SBNO2: variants seen among roughly 807,000 people sequenced by gnomAD.
The protein encoded by SBNO2 is strawberry notch homolog 2.
In SBNO2, 89 loss-of-function variants were observed where a neutral mutation model predicts 146.3. The observed-to-expected ratio is 0.61, with a 90% CI of 0.51 to 0.73. SBNO2 has a LOEUF of 0.73. SBNO2 is among the 30% of genes least tolerant of loss of function. The pLI is 0.00. For missense variants in SBNO2, 2,092 were observed against 2,003.7 expected, an observed-to-expected ratio of 1.04 and a Z score of -0.84; for synonymous variants, 1,147 against 892.6, an observed-to-expected ratio of 1.29 and a Z score of -5.08.
intron 1 of SBNO2, among the ~76,000 whole-genome samples, chr19:1,164,272 C>G (rs937093971): frequency 6.6e-6 from 1 of 152,204 alleles, no homozygotes; most frequent in African/African-American, 2.4e-5. Context: ...GGTGGCCGAA[C>G]TGACAGCTTC....
intron 4 of SBNO2, among the ~76,000 whole-genome samples, chr19:1,142,595 G>A (rs984797007): frequency 1.3e-5 from 2 of 152,176 alleles, no homozygotes; most frequent in South Asian, 4.1e-4. Flanking sequence ...CAGAAGAATG[G>A]CTCACACTTG....
At chr19:1,166,128 GACTTCA>G (rs1485203986) in intron 1 of SBNO2, among the ~76,000 whole-genome samples, 2 of 77,576 alleles carry the variant, frequency 2.6e-5, no homozygotes, top group African/African-American at 1.0e-4. Flanking sequence ...CCAGATCCCA[GACTTCA>G]GATCCCCAGA....
rs1477817423 is a variant in SBNO2 at position 1,144,346 on chromosome 19, G to C, written c.279+2963C>G. ...TTCTGCTGCTTTAACAGGGAGATTT[G>C]GGTCCAAGCTGCCCCACATACGGAC... On this transcript the variant is annotated intron_variant, in intron 4 of 31. Coordinates refer to ENST00000361757, the MANE Select transcript of SBNO2 (RefSeq NM_014963.3). The surrounding 1 kb of genome is among the most constrained non-coding windows in gnomAD (Gnocchi z 4.1). Among the ~76,000 whole-genome samples, 1 of 152,176 alleles carries C rather than the reference G, an allele frequency of 6.6e-6. No individual in the cohort carries two copies. Among genetic ancestry groups the C allele is most frequent in the Non-Finnish European group, 1.5e-5 (1 of 68,036 alleles).
At position 1,109,533 on chromosome 19, in the gene SBNO2, G is replaced by C. The variant is rs1480148584; in HGVS notation, c.3189C>G (p.Pro1063=). The C allele has an allele frequency of 6.2e-7, 1 of 1,601,324 alleles. No homozygotes were observed. The highest frequency in any genetic ancestry group is 8.5e-7 in the Non-Finnish European group (1 of 1,175,128). The stretch of plus-strand genomic sequence containing the variant: ...TGTAGGAGAGGTAGAAGCCGTCATA[G>C]GGGCCCGTCAGCGCCAGCGACTTGG... ...AFAKSLALTG[P]YDGFYLSYKV... The change falls in exon 28 of 32, where the codon CCC becomes CCG. Residue 1063 remains proline (P), a synonymous_variant. Coordinates refer to ENST00000361757, the MANE Select transcript of SBNO2 (RefSeq NM_014963.3). The surrounding 1 kb of genome is among the most constrained non-coding windows in gnomAD (Gnocchi z 4.2).
Position 1,113,621 on chromosome 19 carries a change from T to G in SBNO2, c.2161A>C (p.Lys721Gln). ...AGTTCCCGGCCCAGCCGCCGCACTTTGTCCAGCAGATCCTGCTTCAGCCGC... is the reference window on the plus strand; with the variant it reads ...AGTTCCCGGCCCAGCCGCCGCACTTGGTCCAGCAGATCCTGCTTCAGCCGC... ...VERLKQDLLD[K>Q]VRRLGRELPV... The change falls in exon 19 of 32, where the codon AAA becomes CAA. Residue 721 changes from lysine to glutamine, a missense_variant. Lys to Gln is a moderately conservative substitution (Grantham distance 53, BLOSUM62 1). Transcript: ENST00000361757. 6.3e-7 allele frequency: 1 copy of G among 1,598,578 alleles called. No homozygotes were observed. The highest frequency in any genetic ancestry group is 8.5e-7 in the Non-Finnish European group (1 of 1,174,292).
chr19:1,108,248 G>A lies in SBNO2; in HGVS notation c.4073C>T (p.Pro1358Leu), dbSNP rs1439591026. ...ERQSVIQFSPPFPGAQAPL is the reference protein window; with the variant it reads ...ERQSVIQFSPLFPGAQAPL Reference sequence around the variant, plus strand: ...GAGAGGAGCCTGGGCGCCGGGGAAGGGTGGGCTGAACTGGATCACGCTCTG... The same window carrying A: ...GAGAGGAGCCTGGGCGCCGGGGAAGAGTGGGCTGAACTGGATCACGCTCTG... Residue 1358 changes from proline (P) to leucine (L), a missense_variant, in exon 32 of 32, where the codon CCC becomes CTC. Physicochemically the swap from Pro to Leu is moderately conservative, Grantham distance 98. Coordinates refer to ENST00000361757, the MANE Select transcript of SBNO2 (RefSeq NM_014963.3). The A allele has an allele frequency of 5.2e-6, 8 of 1,526,374 alleles. No individual in the cohort carries two copies. The highest frequency in any genetic ancestry group is 1.4e-5 in the African/African-American group (1 of 70,284). The allele number at this position is 1,526,374 out of a possible 1,614,324, so 94.6% of individuals were successfully genotyped here. A position where few individuals can be genotyped will look rare whatever the true frequency, so the allele number is the denominator to read the frequency against.
chr19:1,119,917 G>A lies in SBNO2; in HGVS notation c.1256C>T (p.Ala419Val). ...CCGCACCGCCCCACCTGTGGCGCTGGCGTAGACCACGCGGGCCAGGGGCAG... is the reference window on the plus strand; with the variant it reads ...CCGCACCGCCCCACCTGTGGCGCTGACGTAGACCACGCGGGCCAGGGGCAG... ...NKLPLARVVY[A>V]SATGASEPRN... The change falls in exon 12 of 32, where the codon GCC becomes GTC. Residue 419 changes from alanine to valine, a missense_variant. Transcript: ENST00000361757. 1 of 1,547,182 alleles carries A rather than the reference G, an allele frequency of 6.5e-7. No individual in the cohort carries two copies. Among genetic ancestry groups the A allele is most frequent in the East Asian group, 2.4e-5 (1 of 40,946 alleles).
Position 1,149,404 on chromosome 19 carries a change from C to T in SBNO2, c.132G>A (p.Ser44=), listed in dbSNP as rs747093093. ...MLHCPYWNTF[S]LPPYPAFSSD... is the part of the protein sequence containing the mutation. ...TGGAGAAGGCAGGGTATGGCGGCAGCGAGAAGGTGTTCCAGTAGGGGCAGT... is the reference window on the plus strand; with the variant it reads ...TGGAGAAGGCAGGGTATGGCGGCAGTGAGAAGGTGTTCCAGTAGGGGCAGT... Residue 44 remains serine, a synonymous_variant, in exon 3 of 32, where the codon TCG becomes TCA. Transcript: ENST00000361757. 1.9e-6 allele frequency: 3 copies of T among 1,552,248 alleles called. No individual in the cohort carries two copies. Among genetic ancestry groups the T allele is most frequent in the African/African-American group, 2.7e-5 (2 of 73,274 alleles).
At chr19:1,143,512 C>T (rs1568610660) in intron 4 of SBNO2, among the ~76,000 whole-genome samples, 1 of 152,178 alleles carries the variant, frequency 6.6e-6, no homozygotes, top group Non-Finnish European at 1.5e-5. Context: ...GAAACACACA[C>T]TTATCCTCTC....
rs145092988 is a variant in SBNO2, at chr19:1,157,775, A to G, written c.-126-3373T>C. ...TCAGACAGGACCAAGATCCGGGAGA[A>G]TCCGAGGAACCGGGTAACTGTGTCC... On this transcript the variant is annotated intron_variant, in intron 1 of 31. Transcript: ENST00000361757. This position sits in a 1 kb window ranked among gnomAD's most constrained non-coding sequence, Gnocchi z 6.8. 7.8e-4 allele frequency among the ~76,000 whole-genome samples: 119 copies of G among 152,182 alleles called. No homozygotes were observed. The highest frequency in any genetic ancestry group is 2.5e-3 in the African/African-American group (105 of 41,502).
intron 4 of SBNO2, among the ~76,000 whole-genome samples, chr19:1,133,228 G>A (rs1382377889): frequency 6.6e-6 from 1 of 150,904 alleles, no homozygotes; most frequent in Non-Finnish European, 1.5e-5. Context: ...CCACGAGACC[G>A]CGGCCGAGAC....
At chr19:1,156,399 A>G (rs971177867) in intron 1 of SBNO2, among the ~76,000 whole-genome samples, 12 of 152,242 alleles carry the variant, frequency 7.9e-5, no homozygotes, top group Non-Finnish European at 1.3e-4. Flanking sequence ...CACCAGGCAC[A>G]ACCAACCAAG....
chr19:1,112,303 TG>T lies in SBNO2; in HGVS notation c.2516-3del. Reference sequence around the variant, plus strand: ...CCTGGTTGGACCGGTGGGTGCGGCCTGGGGGCAGAGCTGCTCTCAGGGCCCG... The same window carrying T: ...CCTGGTTGGACCGGTGGGTGCGGCCTGGGGCAGAGCTGCTCTCAGGGCCCG... On this transcript the variant is annotated splice_region_variant and splice_polypyrimidine_tract_variant and intron_variant, in intron 21 of 31. Coordinates refer to ENST00000361757, the MANE Select transcript of SBNO2 (RefSeq NM_014963.3). The surrounding 1 kb of genome is among the most constrained non-coding windows in gnomAD (Gnocchi z 5.9). 6.3e-7 allele frequency: 1 copy of T among 1,580,416 alleles called. No homozygotes were observed. Among genetic ancestry groups the T allele is most frequent in the Admixed American group, 1.8e-5 (1 of 55,554 alleles).
intron 3 of SBNO2, among the ~76,000 whole-genome samples, chr19:1,148,149 G>A (rs1321149647): frequency 6.6e-6 from 1 of 152,012 alleles, no homozygotes; most frequent in Non-Finnish European, 1.5e-5. Context: ...AGGGCTGGCA[G>A]CAGGTCCAGG....
intron 4 of SBNO2, among the ~76,000 whole-genome samples, chr19:1,139,321 G>T (rs989809036): frequency 4.6e-5 from 7 of 152,202 alleles, no homozygotes; most frequent in Non-Finnish European, 1.5e-5. Context: ...GGATGCGTGG[G>T]CGCCGGGGCA....
At chr19:1,149,862 T>C (rs1416065173) in intron 2 of SBNO2, among the ~76,000 whole-genome samples, 1 of 152,120 alleles carries the variant, frequency 6.6e-6, no homozygotes, top group Non-Finnish European at 1.5e-5. Flanking sequence ...ACCCGCTGCC[T>C]GTGGTGGAGG....
At chr19:1,168,192 C>T (rs925335212) in intron 1 of SBNO2, among the ~76,000 whole-genome samples, 9 of 152,260 alleles carry the variant, frequency 5.9e-5, no homozygotes, top group Admixed American at 2.6e-4. Context: ...ACCCCCACCC[C>T]GGGGCAGCGT....
rs1245673637 is a variant in SBNO2, at chr19:1,144,895, G to C, written c.279+2414C>G. Among the ~76,000 whole-genome samples the C allele has an allele frequency of 1.4e-5, 2 of 144,724 alleles. No individual in the cohort carries two copies. The highest frequency in any genetic ancestry group is 4.1e-4 in the East Asian group (2 of 4,830). 94.9% of individuals were successfully genotyped at this position (144,724 alleles called of 152,430 possible). On this transcript the variant is annotated intron_variant, in intron 4 of 31. Transcript: ENST00000361757. The surrounding 1 kb of genome is among the most constrained non-coding windows in gnomAD (Gnocchi z 4.1). Reference sequence around the variant, plus strand: ...ACAGAGACAGAGAGGGAGACAGAGAGACAGAGGCGGAGATGGAGACAGAGA... The same window carrying C: ...ACAGAGACAGAGAGGGAGACAGAGACACAGAGGCGGAGATGGAGACAGAGA...
rs2079963409 is a variant in SBNO2 at position 1,126,158 on chromosome 19, C to T, written c.441+1446G>A. ...CCACCAGGCTAGTGATGCTAATGAA[C>T]TGAGTCCACAGCTTCTGCATTTTCT... is the stretch of plus-strand genomic sequence containing the variant. On this transcript the variant is annotated intron_variant, in intron 5 of 31. Coordinates refer to ENST00000361757, the MANE Select transcript of SBNO2 (RefSeq NM_014963.3). The surrounding 1 kb of genome is among the most constrained non-coding windows in gnomAD (Gnocchi z 4.4). 1.3e-5 allele frequency among the ~76,000 whole-genome samples: 2 copies of T among 152,326 alleles called. No individual in the cohort carries two copies. Among genetic ancestry groups the T allele is most frequent in the South Asian group, 4.1e-4 (2 of 4,830 alleles).
Sources: gnomAD v4.1 joint callset for allele counts (sites outside exome capture counted in the v4.1 genomes callset) on GRCh38, gnomAD v4.1.1 for gene constraint, Gnocchi (gnomAD v3.1) non-coding constraint, MANE v1.5 for transcripts, NCBI Gene and HGNC (gene_info 2026-07-23, HGNC 2026-07-21) for gene names.